TSPAN14: variants seen among roughly 807,000 people sequenced by gnomAD.
TSPAN14 encodes tetraspanin 14.
In TSPAN14, 16 loss-of-function variants were observed where a neutral mutation model predicts 36.6. The observed-to-expected ratio is 0.44, with a 90% CI of 0.30 to 0.66. The LOEUF (loss-of-function observed/expected upper bound fraction) is 0.66. TSPAN14 is among the 30% of genes least tolerant of loss of function. The pLI is 0.12. For missense variants in TSPAN14, 231 were observed against 355.1 expected (o/e 0.65, Z 2.81); for synonymous variants, 139 against 143.8 (o/e 0.97, Z 0.24).
rs181366943 is a variant in TSPAN14, at chr10:80,494,486, G to C, written c.81+5172G>C. Among the ~76,000 whole-genome samples the C allele has an allele frequency of 6.6e-5, 10 of 152,376 alleles. No individual in the cohort carries two copies. The East Asian group carries it at 1.5e-3, about 24-fold the overall frequency. ...CACAAGAAAGGGAAGACAAGCCCAA[G>C]GTGGAAAGATCAACTCTCTTCCCTT... On this transcript the variant is annotated intron_variant, in intron 2 of 8. Transcript: ENST00000429989.
intron 1 of TSPAN14, among the ~76,000 whole-genome samples, chr10:80,486,221 A>G (rs1042419339): frequency 6.6e-6 from 1 of 152,252 alleles, no homozygotes; most frequent in African/African-American, 2.4e-5. Flanking sequence ...GAGGGAAGCC[A>G]GGCGCCCTGT....
At chr10:80,508,059 CAG>C (rs1307059065) in intron 4 of TSPAN14, among the ~76,000 whole-genome samples, 4 of 150,398 alleles carry the variant, frequency 2.7e-5, no homozygotes, top group Non-Finnish European at 5.9e-5. Flanking sequence ...TTTATATGAA[CAG>C]AGATTACGTT....
At chr10:80,473,696 TTTTTTA>T (rs1846689837) in intron 1 of TSPAN14, among the ~76,000 whole-genome samples, 1 of 142,622 alleles carries the variant, frequency 7.0e-6, no homozygotes, top group Non-Finnish European at 1.6e-5. Context: ...TTTTTTTTTT[TTTTTTA>T]AATTAAAGTT....
chr10:80,459,142 A>G (rs116848392), intron 1 of TSPAN14, among the ~76,000 whole-genome samples: 3,454 of 152,144 alleles, frequency 0.023, 51 homozygotes, highest in Middle Eastern at 0.041. Context: ...GACAGCTGCC[A>G]TCTCTGGCGG....
intron 2 of TSPAN14, among the ~76,000 whole-genome samples, chr10:80,501,378 A>G (rs1002144426): frequency 1.3e-5 from 2 of 148,540 alleles, no homozygotes; most frequent in African/African-American, 5.0e-5. Context: ...CTCCTGCCTC[A>G]GCCTCCCAAA....
At chr10:80,490,683 A>G (rs1159382970) in intron 2 of TSPAN14, among the ~76,000 whole-genome samples, 2 of 152,118 alleles carry the variant, frequency 1.3e-5, no homozygotes, top group African/African-American at 2.4e-5. Flanking sequence ...ATGAGAAGTA[A>G]AGAAGTGAAG....
exon 4 of TSPAN14, chr10:80,507,234 C>T (rs758424935): frequency 6.2e-7 from 1 of 1,614,212 alleles, no homozygotes; most frequent in South Asian, 1.1e-5. Flanking sequence ...TCAGGGTGTG[C>T]TGTCCGACCT....
chr10:80,507,462 G>A (rs377164548), intron 4 of TSPAN14, 88 bp downstream of exon 4: 15 of 1,576,128 alleles, frequency 9.5e-6, no homozygotes, highest in East Asian at 9.0e-5. Context: ...GGTCAGAGCA[G>A]GTGGCAGCTC....
At chr10:80,482,453 ATT>A (rs1446278317) in intron 1 of TSPAN14, among the ~76,000 whole-genome samples, 2 of 148,640 alleles carry the variant, frequency 1.3e-5, no homozygotes, top group African/African-American at 2.5e-5. Context: ...CGCCTGGCTA[ATT>A]TTTTGTATTT....
At chr10:80,484,969 T>C (rs1337679617) in intron 1 of TSPAN14, among the ~76,000 whole-genome samples, 1 of 152,242 alleles carries the variant, frequency 6.6e-6, no homozygotes, top group Non-Finnish European at 1.5e-5. Flanking sequence ...TAAACAATTC[T>C]CCCTTTGCCC....
At chr10:80,469,835 G>A (rs139868915) in intron 1 of TSPAN14, among the ~76,000 whole-genome samples, 7 of 152,130 alleles carry the variant, frequency 4.6e-5, no homozygotes, top group African/African-American at 1.7e-4. Flanking sequence ...GGGCTGGAAA[G>A]TGTCCCACCC....
Position 80,509,786 on chromosome 10 carries a change from C to G in TSPAN14, c.450+315C>G. On this transcript the variant is annotated intron_variant, in intron 5 of 8. Coordinates refer to ENST00000429989, the Ensembl canonical transcript of TSPAN14. The surrounding 1 kb of genome is among the most constrained non-coding windows in gnomAD (Gnocchi z 4.7). ...TTCCAATCCTGCCCAATAGCCATAC[C>G]AGCTGCAATCCTCCTTAGGCGCTGC... 1 of 323,608 alleles carries G rather than the reference C, an allele frequency of 3.1e-6. No homozygotes were observed. Among genetic ancestry groups the G allele is most frequent in the Non-Finnish European group, 5.8e-6 (1 of 171,976 alleles). 20.0% of individuals were successfully genotyped at this position (323,608 alleles called of 1,614,324 possible).
chr10:80,475,794 C>G (rs1193238239), intron 1 of TSPAN14, among the ~76,000 whole-genome samples: 2 of 152,180 alleles, frequency 1.3e-5, no homozygotes, highest in African/African-American at 4.8e-5. Flanking sequence ...ACCATCTTGG[C>G]CAGGCCAGTC....
chr10:80,460,273 C>T (rs1182214625), intron 1 of TSPAN14, among the ~76,000 whole-genome samples: 1 of 152,134 alleles, frequency 6.6e-6, no homozygotes, highest in Non-Finnish European at 1.5e-5. Context: ...ATTCTTGCTG[C>T]AGGCAGGCCA....
intron 1 of TSPAN14, among the ~76,000 whole-genome samples, chr10:80,487,217 G>A (rs1023733597): frequency 2.0e-5 from 3 of 151,858 alleles, no homozygotes; most frequent in South Asian, 2.1e-4. Flanking sequence ...CAACAGGCCC[G>A]TCTACCTTGT....
At chr10:80,491,540 A>G (rs1847921328) in intron 2 of TSPAN14, among the ~76,000 whole-genome samples, 1 of 152,134 alleles carries the variant, frequency 6.6e-6, no homozygotes, top group Non-Finnish European at 1.5e-5. Context: ...GCACTCTCCC[A>G]CTACTGCTGT....
At chr10:80,502,949 C>T (rs971929668) in intron 2 of TSPAN14, among the ~76,000 whole-genome samples, 1 of 151,948 alleles carries the variant, frequency 6.6e-6, no homozygotes, top group African/African-American at 2.4e-5. Flanking sequence ...GGGAGGAAGG[C>T]AGTCAGGGGC....
At chr10:80,485,140 C>T (rs1847517354) in intron 1 of TSPAN14, among the ~76,000 whole-genome samples, 1 of 152,104 alleles carries the variant, frequency 6.6e-6, no homozygotes, top group South Asian at 2.1e-4. Flanking sequence ...TGGAATGGTA[C>T]CTAACATTTG....
At chr10:80,485,790 C>A in intron 1 of TSPAN14, 1 of 669,466 alleles carries the variant, frequency 1.5e-6, no homozygotes, top group Non-Finnish European at 1.8e-6. Flanking sequence ...TGTTTCTTTT[C>A]AACAGTTTAT....
Sources: allele counts gnomAD v4.1 joint callset (sites outside exome capture counted in the v4.1 genomes callset), GRCh38; gene constraint gnomAD v4.1.1; non-coding constraint Gnocchi (gnomAD v3.1); transcripts MANE v1.5; gene names NCBI Gene and HGNC (gene_info 2026-07-23, HGNC 2026-07-21).